Variants in PLAAT3 observed in about 807,000 individuals in gnomAD.
PLAAT3 encodes phospholipase A and acyltransferase 3.
A neutral mutation model predicts 16.7 loss-of-function variants in PLAAT3; 21 were observed. The ratio of observed to expected loss-of-function variants is 1.26; its 90% confidence interval spans 0.89 to 1.81. PLAAT3 has a LOEUF of 1.81. Among genes scored for constraint, PLAAT3 ranks in the 40% most tolerant of loss-of-function variants. The pLI, the probability that PLAAT3 is intolerant of heterozygous loss-of-function variation, is 0.00. For missense variants in PLAAT3, 219 were observed against 213.7 expected (o/e 1.02, Z -0.16); for synonymous variants, 76 against 81.7 (o/e 0.93, Z 0.38).
intron 4 of PLAAT3, among the ~76,000 whole-genome samples, chr11:63,575,383 G>C (rs1002362044): frequency 1.3e-5 from 2 of 152,208 alleles, no homozygotes; most frequent in Non-Finnish European, 2.9e-5. Context: ...CTGGCCAATG[G>C]GGAGCTCTAG....
At chr11:63,600,968 A>T (rs1318207581) in intron 2 of PLAAT3, among the ~76,000 whole-genome samples, 1 of 152,076 alleles carries the variant, frequency 6.6e-6, no homozygotes, top group Non-Finnish European at 1.5e-5. Flanking sequence ...AGACTCACAG[A>T]AGTAAACACT....
At chr11:63,595,751 T>C (rs1003284992) in intron 3 of PLAAT3, among the ~76,000 whole-genome samples, 15 of 152,178 alleles carry the variant, frequency 9.9e-5, no homozygotes, top group Non-Finnish European at 2.2e-4. Flanking sequence ...CATTTTACAA[T>C]ACTTATGTTA....
At chr11:63,604,004 T>C (rs1277863882) in intron 2 of PLAAT3, among the ~76,000 whole-genome samples, 4 of 152,002 alleles carry the variant, frequency 2.6e-5, no homozygotes, top group Non-Finnish European at 4.4e-5. Context: ...ATACAAAAAT[T>C]AGCTGGGCAT....
chr11:63,605,677 C>A (rs1402193850), intron 2 of PLAAT3, among the ~76,000 whole-genome samples: 2 of 151,818 alleles, frequency 1.3e-5, no homozygotes, highest in African/African-American at 4.8e-5. Context: ...CTCAGCCTCC[C>A]GAGTAGCTGG....
intron 2 of PLAAT3, among the ~76,000 whole-genome samples, chr11:63,603,515 C>T (rs974876125): frequency 1.7e-4 from 26 of 152,038 alleles, no homozygotes; most frequent in Admixed American, 3.3e-4. Context: ...AGCTTGGATG[C>T]CGGGCTTAAT....
intron 2 of PLAAT3, among the ~76,000 whole-genome samples, chr11:63,600,759 C>T (rs561966540): frequency 6.8e-4 from 103 of 151,988 alleles, no homozygotes; most frequent in Middle Eastern, 3.4e-3. Flanking sequence ...TATGCCACCA[C>T]GCCTGGCTAA....
chr11:63,597,587 T>G (rs1938322572), intron 3 of PLAAT3, among the ~76,000 whole-genome samples: 1 of 152,236 alleles, frequency 6.6e-6, no homozygotes, highest in Non-Finnish European at 1.5e-5. Flanking sequence ...TAGTTCTTTA[T>G]AGCAGTGTGA....
upstream of PLAAT3, among the ~76,000 whole-genome samples, chr11:63,616,151 A>G (rs1938867280): frequency 6.6e-6 from 1 of 152,110 alleles, no homozygotes; most frequent in Non-Finnish European, 1.5e-5. Context: ...GTACATTGTT[A>G]TTTACTATAA....
At chr11:63,589,646 C>CCCAA (rs1376024492) in intron 4 of PLAAT3, among the ~76,000 whole-genome samples, 1 of 152,176 alleles carries the variant, frequency 6.6e-6, no homozygotes, top group Admixed American at 6.5e-5. Context: ...GGCTTCAAAT[C>CCCAA]CCAACTCTGC....
At chr11:63,608,983 T>C (rs1938630611) in intron 2 of PLAAT3, among the ~76,000 whole-genome samples, 1 of 152,186 alleles carries the variant, frequency 6.6e-6, no homozygotes. Flanking sequence ...AAACACTCAG[T>C]AAATAGGGCT....
upstream of PLAAT3, chr11:63,616,588 A>G (rs1023257462): frequency 6.6e-6 from 1 of 152,002 alleles, no homozygotes; most frequent in South Asian, 2.1e-4. Context: ...ACAACTTACT[A>G]TTCTTTGTCC....
chr11:63,611,850 T>C (rs564945855), intron 2 of PLAAT3, among the ~76,000 whole-genome samples: 80 of 152,340 alleles, frequency 5.3e-4, no homozygotes, highest in African/African-American at 1.9e-3. Context: ...AATTGAAATG[T>C]ATGATGGGCC....
chr11:63,582,136 C>T (rs539502892), intron 4 of PLAAT3, among the ~76,000 whole-genome samples: 2 of 152,304 alleles, frequency 1.3e-5, no homozygotes, highest in South Asian at 2.1e-4. Flanking sequence ...CAGAGCCTAG[C>T]ATGTTGAGGA....
intron 3 of PLAAT3, among the ~76,000 whole-genome samples, chr11:63,591,299 T>G (rs1159674846): frequency 2.0e-5 from 3 of 152,152 alleles, no homozygotes; most frequent in Non-Finnish European, 4.4e-5. Flanking sequence ...GGAGGATCAC[T>G]TGAGCCCTGG....
At position 63,590,055 on chromosome 11, in the gene PLAAT3, G is replaced by A. The variant is rs748523618; in HGVS notation, c.387+45C>T. 8.2e-6 allele frequency: 13 copies of A among 1,587,984 alleles called. No homozygotes were observed. The East Asian group carries it at 2.5e-4, about 30-fold the overall frequency. On this transcript the variant is annotated intron_variant, in intron 4 of 4. Transcript: ENST00000415826. ...CATGCCCAGCCTCCGTCAGCAGAGG[G>A]AATGGTCTGGTTCCTGGGGAAGGCG...
upstream of PLAAT3, among the ~76,000 whole-genome samples, chr11:63,615,017 A>AATATATATATATATATAT (rs1338719563): frequency 0.014 from 243 of 17,484 alleles, 47 homozygotes; most frequent in East Asian, 0.072. Context: ...TCAGTCTCAA[A>AATATATATATATATATAT]ATATATATAT....
intron 4 of PLAAT3, among the ~76,000 whole-genome samples, chr11:63,588,823 TAACA>T (rs1313740825): frequency 1.3e-5 from 2 of 152,066 alleles, no homozygotes; most frequent in African/African-American, 4.8e-5. Context: ...AGGAACCGCC[TAACA>T]AACATGAGGG....
At chr11:63,596,746 T>C (rs991214955) in intron 3 of PLAAT3, among the ~76,000 whole-genome samples, 2 of 151,940 alleles carry the variant, frequency 1.3e-5, no homozygotes, top group Non-Finnish European at 2.9e-5. Flanking sequence ...ATGAGCGAGA[T>C]TTCCCTCATG....
intron 2 of PLAAT3, among the ~76,000 whole-genome samples, chr11:63,602,405 C>T (rs1938456096): frequency 6.6e-6 from 1 of 152,064 alleles, no homozygotes; most frequent in South Asian, 2.1e-4. Context: ...ACCTCTACCA[C>T]TAAGATCCAC....
Sources: gnomAD v4.1 joint callset for allele counts (sites outside exome capture counted in the v4.1 genomes callset) on GRCh38, gnomAD v4.1.1 for gene constraint, MANE v1.5 for transcripts, NCBI Gene and HGNC (gene_info 2026-07-23, HGNC 2026-07-21) for gene names.